Variants in RASGRP3 observed in about 807,000 individuals in gnomAD.
The protein encoded by RASGRP3 is RAS guanyl releasing protein 3.
RASGRP3 carries 54 observed loss-of-function variants against 82.7 expected under a neutral mutation model. The ratio of observed to expected loss-of-function variants is 0.65; its 90% confidence interval spans 0.52 to 0.82. The LOEUF is 0.82. RASGRP3 is among the 40% of genes least tolerant of loss of function. The probability of loss-of-function intolerance (pLI) is 0.00; values close to 1 mark genes in which losing one functional copy is unlikely to be tolerated. For synonymous variants in RASGRP3, 309 were observed against 300.5 expected, an observed-to-expected ratio of 1.03 and a Z score of -0.29; for missense variants, 861 against 828.9, an observed-to-expected ratio of 1.04 and a Z score of -0.48.
At position 33,520,554 on chromosome 2, in the gene RASGRP3, T is replaced by C. The variant is rs756271456; in HGVS notation, c.238T>C (p.Tyr80His). 1 of 1,613,804 alleles carries C rather than the reference T, an allele frequency of 6.2e-7. No individual in the cohort carries two copies. Among genetic ancestry groups the C allele is most frequent in the Non-Finnish European group, 8.5e-7 (1 of 1,179,710 alleles). ...FRLKICYFMRYWILKFPAEFN... is the reference protein window; with the variant it reads ...FRLKICYFMRHWILKFPAEFN... ...CCAAAAATATTTGATGCCTTTCAGG[T>C]ACTGGATTCTGAAGTTTCCTGCAGA... Residue 80 changes from tyrosine to histidine, a missense_variant and splice_region_variant, in exon 6 of 18, where the codon TAC becomes CAC. Coordinates refer to ENST00000403687, the MANE Select transcript of RASGRP3 (RefSeq NM_001139488.2).
chr2:33,489,270 A>T (rs904235530), intron 1 of RASGRP3, among the ~76,000 whole-genome samples: 2 of 152,238 alleles, frequency 1.3e-5, no homozygotes, highest in Non-Finnish European at 2.9e-5. Flanking sequence ...CATGCCTTCA[A>T]AGACACTTTA....
intron 1 of RASGRP3, among the ~76,000 whole-genome samples, chr2:33,501,515 C>T (rs1037538477): frequency 3.9e-5 from 6 of 152,182 alleles, no homozygotes; most frequent in Non-Finnish European, 1.5e-5. Context: ...TTTCCACTAG[C>T]GATGGATGAG....
chr2:33,470,547 T>G (rs1666997295), intron 2 of RASGRP3, among the ~76,000 whole-genome samples: 1 of 151,756 alleles, frequency 6.6e-6, no homozygotes, highest in Non-Finnish European at 1.5e-5. Context: ...GCCCGGCTAA[T>G]TTTTTGTATT....
At chr2:33,470,191 A>G (rs1186242018) in intron 2 of RASGRP3, among the ~76,000 whole-genome samples, 1 of 152,104 alleles carries the variant, frequency 6.6e-6, no homozygotes, top group Non-Finnish European at 1.5e-5. Context: ...TTATAAATTA[A>G]TTTGAGGGAG....
intron 1 of RASGRP3, among the ~76,000 whole-genome samples, chr2:33,507,055 T>A (rs546591841): frequency 6.6e-6 from 1 of 152,140 alleles, no homozygotes; most frequent in East Asian, 1.9e-4. Flanking sequence ...GAAGGAAAAT[T>A]TAAACAGAAA....
Position 33,443,709 on chromosome 2 carries a change from TA to T in RASGRP3, c.-384-4088del, listed in dbSNP as rs1161262477. Among the ~76,000 whole-genome samples the T allele has an allele frequency of 2.6e-3, 255 of 98,226 alleles. 2 individuals carry two copies. Among genetic ancestry groups the T allele is most frequent in the East Asian group, 7.8e-3 (27 of 3,472 alleles). The allele number at this position is 98,226 out of a possible 152,430, so 64.4% of individuals were successfully genotyped here. Reference sequence around the variant, plus strand: ...GGGCAACATAGTGAGATCCTGTCTCTAAAAAAAAAAAAAAAAAAAAAAATAG... The same window carrying T: ...GGGCAACATAGTGAGATCCTGTCTCTAAAAAAAAAAAAAAAAAAAAAATAG... On this transcript the variant is annotated intron_variant, in intron 1 of 18. Transcript: ENST00000402538.
chr2:33,467,298 A>C (rs1666754013), intron 2 of RASGRP3, among the ~76,000 whole-genome samples: 1 of 152,164 alleles, frequency 6.6e-6, no homozygotes. Flanking sequence ...GATGCTTTCA[A>C]AAATTTTTCT....
intron 2 of RASGRP3, among the ~76,000 whole-genome samples, chr2:33,470,406 G>A (rs1456249187): frequency 7.0e-6 from 1 of 143,378 alleles, no homozygotes. Context: ...TTGAGATGGA[G>A]TCTCACTCTG....
At chr2:33,558,458 G>T in intron 16 of RASGRP3, 122 bp downstream of exon 16, 1 of 1,452,526 alleles carries the variant, frequency 6.9e-7, no homozygotes. Flanking sequence ...GCCTTCTTTA[G>T]GGTGAGCAGC....
At position 33,522,066 on chromosome 2, in the gene RASGRP3, C is replaced by T. The variant is rs754878259; in HGVS notation, c.480C>T (p.Leu160=). 3 of 1,612,502 alleles carry T rather than the reference C, an allele frequency of 1.9e-6. No individual in the cohort carries two copies. In the South Asian group the frequency reaches 3.3e-5, roughly 18 times the overall value. Residue 160 remains leucine, a synonymous_variant, in exon 7 of 18, where the codon CTC becomes CTT. Coordinates refer to ENST00000403687, the MANE Select transcript of RASGRP3 (RefSeq NM_001139488.2). ...AGCCCATTGAATTGGCTGAGCACCT[C>T]ACTTTTCTGGAGCATAAATCTTTTA... is the stretch of plus-strand genomic sequence containing the variant. The part of the protein sequence containing the change: ...HLEPIELAEH[L]TFLEHKSFRR...
At chr2:33,525,948 GT>G (rs1346773883) in intron 9 of RASGRP3, among the ~76,000 whole-genome samples, 1 of 152,042 alleles carries the variant, frequency 6.6e-6, no homozygotes, top group South Asian at 2.1e-4. Flanking sequence ...GGAGAGTTTT[GT>G]TTTTTTGTTT....
At chr2:33,554,641 T>A (rs2151104220) in intron 14 of RASGRP3, among the ~76,000 whole-genome samples, 1 of 152,060 alleles carries the variant, frequency 6.6e-6, no homozygotes, top group East Asian at 1.9e-4. Flanking sequence ...ACCAGCTAAT[T>A]TTTTTGTATT....
At chr2:33,519,449 T>C (rs896309657) in intron 4 of RASGRP3, among the ~76,000 whole-genome samples, 9 of 152,146 alleles carry the variant, frequency 5.9e-5, no homozygotes, top group Admixed American at 2.6e-4. Context: ...ACCCCGTCTC[T>C]ACTAAAAATA....
intron 2 of RASGRP3, among the ~76,000 whole-genome samples, chr2:33,466,396 G>A (rs1666697470): frequency 6.6e-6 from 1 of 151,926 alleles, no homozygotes. Flanking sequence ...TCAGCGGAGG[G>A]GGCTGGGCAT....
At chr2:33,484,989 G>A (rs1178518032) in intron 1 of RASGRP3, among the ~76,000 whole-genome samples, 1 of 152,112 alleles carries the variant, frequency 6.6e-6, no homozygotes, top group African/African-American at 2.4e-5. Flanking sequence ...ACCTGAGGTC[G>A]GGAGTTTGAG....
intron 4 of RASGRP3, among the ~76,000 whole-genome samples, chr2:33,519,617 A>T (rs1671818139): frequency 1.3e-5 from 2 of 152,196 alleles, no homozygotes; most frequent in South Asian, 4.1e-4. Context: ...AAAACAATGT[A>T]GTGTTTCTCT....
intron 1 of RASGRP3, among the ~76,000 whole-genome samples, chr2:33,490,165 CT>C (rs1361840029): frequency 4.6e-5 from 7 of 152,048 alleles, no homozygotes; most frequent in Non-Finnish European, 2.9e-5. Flanking sequence ...TCTTCTCTTC[CT>C]TCTGAGTTTT....
At chr2:33,516,184 C>T (rs143494657) in intron 3 of RASGRP3, among the ~76,000 whole-genome samples, 6,204 of 152,072 alleles carry the variant, frequency 0.041, 260 homozygotes, top group East Asian at 0.21. Flanking sequence ...CTGAGGTGGG[C>T]GGATCATGAG....
chr2:33,504,316 G>A (rs534088289), intron 1 of RASGRP3, among the ~76,000 whole-genome samples: 1 of 152,022 alleles, frequency 6.6e-6, no homozygotes, highest in Non-Finnish European at 1.5e-5. Context: ...CTCCCGCAAT[G>A]CCCTGGGCAT....
Sources: gnomAD v4.1 joint callset for allele counts (sites outside exome capture counted in the v4.1 genomes callset) on GRCh38, gnomAD v4.1.1 for gene constraint, MANE v1.5 for transcripts, NCBI Gene and HGNC (gene_info 2026-07-23, HGNC 2026-07-21) for gene names.